CACNA1B: variants seen among roughly 807,000 people sequenced by gnomAD.
The protein encoded by CACNA1B is voltage-dependent N-type calcium channel subunit alpha-1B.
In CACNA1B, 70 loss-of-function variants were observed where a neutral mutation model predicts 247.2. The ratio of observed to expected loss-of-function variants is 0.28; its 90% CI spans 0.23 to 0.35. The LOEUF is 0.35. CACNA1B is among the 10% of genes least tolerant of loss of function. The probability of loss-of-function intolerance (pLI) is 1.00; values close to 1 mark genes in which losing one functional copy is unlikely to be tolerated. For synonymous variants in CACNA1B, 1,231 were observed against 1,294.4 expected (o/e 0.95, Z 1.05); for missense variants, 2,367 against 3,197.4 (o/e 0.74, Z 6.26).
At position 137,955,833 on chromosome 9, in the gene CACNA1B, A is replaced by C; in HGVS notation, c.1186+20A>C. 1 of 1,472,370 alleles carries C rather than the reference A, an allele frequency of 6.8e-7. No individual in the cohort carries two copies. The highest frequency in any genetic ancestry group is 1.2e-5 in the South Asian group (1 of 84,766). 91.2% of individuals were successfully genotyped at this position (1,472,370 alleles called of 1,614,324 possible). On this transcript the variant is annotated intron_variant, in intron 8 of 46. Coordinates refer to ENST00000371372, the MANE Select transcript of CACNA1B (RefSeq NM_000718.4). The surrounding 1 kb of genome is among the most constrained non-coding windows in gnomAD (Gnocchi z 6.9). The stretch of plus-strand genomic sequence containing the variant: ...AGGCGGGTGAGGGCCCGTGGGAGCC[A>C]CTGCACTCCTGGCCGGCCACTGTTA...
chr9:137,953,252 G>C (rs1957899980), intron 7 of CACNA1B, among the ~76,000 whole-genome samples: 1 of 152,234 alleles, frequency 6.6e-6, no homozygotes, highest in Admixed American at 6.5e-5. Flanking sequence ...AAGGCATCAG[G>C]CCTGCCTGGC....
chr9:137,963,161 T>C lies in CACNA1B; in HGVS notation c.1333+5474T>C, dbSNP rs1958038755. 2.6e-5 allele frequency among the ~76,000 whole-genome samples: 4 copies of C among 152,250 alleles called. No homozygotes were observed. The South Asian group carries it at 8.3e-4, about 31-fold the overall frequency. On this transcript the variant is annotated intron_variant, in intron 10 of 46. Coordinates refer to ENST00000371372, the MANE Select transcript of CACNA1B (RefSeq NM_000718.4). Reference sequence around the variant, plus strand: ...ACCCTTCATCATCTTTTTTGATCTTTGGTGATTTAACGTCTGTTTTGTCAG... The same window carrying C: ...ACCCTTCATCATCTTTTTTGATCTTCGGTGATTTAACGTCTGTTTTGTCAG...
chr9:137,882,267 G>T lies in CACNA1B; in HGVS notation c.391-477G>T, dbSNP rs78279481. ...CTGCCTGGCTCCTGGGCATCTCTGT[G>T]CCTCTGTCTCCCACATGTTAGAATG... On this transcript the variant is annotated intron_variant, in intron 2 of 46. Transcript: ENST00000371372. The surrounding 1 kb of genome is among the most constrained non-coding windows in gnomAD (Gnocchi z 4.0). 4.2e-3 allele frequency among the ~76,000 whole-genome samples: 638 copies of T among 152,286 alleles called. 1 individual carries two copies. Among genetic ancestry groups the T allele is most frequent in the Middle Eastern group, 0.027 (8 of 294 alleles).
At chr9:137,994,807 A>G (rs1429203573) in intron 15 of CACNA1B, among the ~76,000 whole-genome samples, 1 of 152,248 alleles carries the variant, frequency 6.6e-6, no homozygotes, top group Non-Finnish European at 1.5e-5. Context: ...TACAAATTCA[A>G]TGCAATTCCC....
At chr9:138,068,300 C>G (rs1006258306) in intron 31 of CACNA1B, among the ~76,000 whole-genome samples, 52 of 152,196 alleles carry the variant, frequency 3.4e-4, no homozygotes, top group African/African-American at 1.2e-3. Context: ...ATGTGCCGTT[C>G]GTAAAGCTGG....
At chr9:138,071,943 G>A (rs1217654722) in intron 32 of CACNA1B, among the ~76,000 whole-genome samples, 1 of 152,010 alleles carries the variant, frequency 6.6e-6, no homozygotes, top group Non-Finnish European at 1.5e-5. Flanking sequence ...TCTTGACACG[G>A]GACTGCGGCC....
At chr9:138,004,684 C>T (rs890079772) in intron 15 of CACNA1B, among the ~76,000 whole-genome samples, 6 of 152,058 alleles carry the variant, frequency 3.9e-5, no homozygotes, top group Non-Finnish European at 5.9e-5. Context: ...TTTATACATA[C>T]GTGTATGTGT....
In CACNA1B at chr9:138,114,238, G is replaced by A. The variant is rs963394142; in HGVS notation, c.5537-140G>A. On this transcript the variant is annotated intron_variant, in intron 40 of 46. Coordinates refer to ENST00000371372, the MANE Select transcript of CACNA1B (RefSeq NM_000718.4). The stretch of plus-strand genomic sequence containing the variant: ...GCCGAGCCCCATGTTCTGCCTGAGA[G>A]CCCTCTGTCCCAGTGCATTTCCAGG... The A allele has an allele frequency of 6.6e-6, 4 of 604,872 alleles. No individual in the cohort carries two copies. In the African/African-American group the frequency reaches 7.4e-5, roughly 11 times the overall value. The allele number at this position is 604,872 out of a possible 1,614,324, so 37.5% of individuals were successfully genotyped here. A position where few individuals can be genotyped will look rare whatever the true frequency, so the allele number is the denominator to read the frequency against.
chr9:138,118,855 A>C (rs923330043), intron 44 of CACNA1B, 87 bp downstream of exon 44: 7 of 672,760 alleles, frequency 1.0e-5, no homozygotes, highest in Non-Finnish European at 1.8e-5. Context: ...CCTGCAGGTG[A>C]GGAGAGCTGG....
In CACNA1B at chr9:138,023,600, G is replaced by A; in HGVS notation, c.2857G>A (p.Glu953Lys). ...CAAGGAGTGCGCCGGCGCCAAGGGCGAGCGGCGCGCGCGGCACCGCGGCGG... is the reference window on the plus strand; with the variant it reads ...CAAGGAGTGCGCCGGCGCCAAGGGCAAGCGGCGCGCGCGGCACCGCGGCGG... Reference protein sequence around the residue: ...PSKECAGAKGERRARHRGGPR... With the variant: ...PSKECAGAKGKRRARHRGGPR... The change falls in exon 19 of 47, where the codon GAG becomes AAG. Residue 953 changes from glutamate (E) to lysine (K), a missense_variant. This residue lies in a region of CACNA1B where 631 missense variants were observed against 631.1 expected (regional missense o/e 1.00). Transcript: ENST00000371372. 1 of 1,105,120 alleles carries A rather than the reference G, an allele frequency of 9.0e-7. No homozygotes were observed. Among genetic ancestry groups the A allele is most frequent in the East Asian group, 6.7e-5 (1 of 14,992 alleles). 68.5% of individuals were successfully genotyped at this position (1,105,120 alleles called of 1,614,324 possible).
intron 36 of CACNA1B, among the ~76,000 whole-genome samples, chr9:138,093,530 C>A (rs1311492731): frequency 1.3e-5 from 2 of 151,814 alleles, no homozygotes; most frequent in Non-Finnish European, 2.9e-5. Context: ...CAGTTGAGGC[C>A]AGGAGTTTGA....
At chr9:138,037,714 A>C (rs1476608825) in intron 20 of CACNA1B, among the ~76,000 whole-genome samples, 1 of 152,000 alleles carries the variant, frequency 6.6e-6, no homozygotes, top group Admixed American at 6.6e-5. Context: ...TTCTTTTGGA[A>C]GGCTTCCAGG....
Position 138,006,903 on chromosome 9 carries a change from G to A in CACNA1B, c.2092+19G>A, listed in dbSNP as rs766250093. On this transcript the variant is annotated intron_variant, in intron 16 of 46. Transcript: ENST00000371372. The stretch of plus-strand genomic sequence containing the variant: ...GGAAACTGTATCCTTCTGTGGGGCT[G>A]GGGCAGAGGGTGGTCAGTGCTTGGC... 71 of 1,350,056 alleles carry A rather than the reference G, an allele frequency of 5.3e-5. No individual in the cohort carries two copies. Among genetic ancestry groups the A allele is most frequent in the Non-Finnish European group, 7.5e-5 (71 of 944,682 alleles). The allele number at this position is 1,350,056 out of a possible 1,614,324, so 83.6% of individuals were successfully genotyped here.
Position 138,069,882 on chromosome 9 carries a change from G to A in CACNA1B, c.4674+119G>A, listed in dbSNP as rs575983005. On this transcript the variant is annotated intron_variant, in intron 32 of 46. Transcript: ENST00000371372. ...GCCCTCTAGGCGTGTGGTTGGATGC[G>A]GCTGCATCCACTCACCTCTGGCCTC... The A allele has an allele frequency of 6.8e-5, 59 of 870,070 alleles. 2 individuals carry two copies. The highest frequency in any genetic ancestry group is 4.3e-4 in the Middle Eastern group (2 of 4,634). 53.9% of individuals were successfully genotyped at this position (870,070 alleles called of 1,614,324 possible). A position where few individuals can be genotyped will look rare whatever the true frequency, so the allele number is the denominator to read the frequency against.
intron 3 of CACNA1B, among the ~76,000 whole-genome samples, chr9:137,908,757 A>T (rs902212007): frequency 3.8e-4 from 58 of 150,828 alleles, no homozygotes; most frequent in African/African-American, 1.4e-3. Context: ...CAGCCTTCCG[A>T]GTAGCTGGGA....
intron 23 of CACNA1B, among the ~76,000 whole-genome samples, chr9:138,048,612 C>T (rs1218436492): frequency 6.6e-6 from 1 of 152,184 alleles, no homozygotes; most frequent in African/African-American, 2.4e-5. Flanking sequence ...GTGCACATAA[C>T]GTGTGCACTC....
rs1324684667 is a variant in CACNA1B, at chr9:138,086,643, G to T, written c.5094+8385G>T. Reference sequence around the variant, plus strand: ...CAATATATATGGACCCAACAGTAGAGCACCCAGACATACAAAACAAATATT... The same window carrying T: ...CAATATATATGGACCCAACAGTAGATCACCCAGACATACAAAACAAATATT... On this transcript the variant is annotated intron_variant, in intron 36 of 46. Coordinates refer to ENST00000371372, the MANE Select transcript of CACNA1B (RefSeq NM_000718.4). Among the ~76,000 whole-genome samples the T allele has an allele frequency of 1.3e-5, 2 of 151,322 alleles. 1 individual carries two copies. The highest frequency in any genetic ancestry group is 2.9e-5 in the Non-Finnish European group (2 of 68,020).
chr9:137,967,453 G>A (rs1443770459), intron 10 of CACNA1B, among the ~76,000 whole-genome samples: 6 of 152,250 alleles, frequency 3.9e-5, no homozygotes, highest in Admixed American at 3.3e-4. Flanking sequence ...CCCGTGGCCC[G>A]CTCTCAGAGC....
chr9:138,022,944 G>C, intron 18 of CACNA1B, 67 bp from the exon 19 acceptor site: 1 of 1,435,628 alleles, frequency 7.0e-7, no homozygotes, highest in Non-Finnish European at 9.1e-7. Context: ...TGTGTGCATT[G>C]TGGCCTCCCT....
Sources: allele counts gnomAD v4.1 joint callset (sites outside exome capture counted in the v4.1 genomes callset), GRCh38; gene constraint gnomAD v4.1.1; regional missense constraint gnomAD v4.1.1; non-coding constraint Gnocchi (gnomAD v3.1); transcripts MANE v1.5; gene names NCBI Gene and HGNC (gene_info 2026-07-23, HGNC 2026-07-21).